The following XRCC1 variants were observed in gnomAD, a reference collection of about 807,000 sequenced individuals.
XRCC1 encodes the protein DNA repair protein XRCC1.
Under a neutral mutation model 83.3 loss-of-function variants are expected in XRCC1, and 52 were observed. The observed-to-expected ratio is 0.62, with a 90% confidence interval of 0.50 to 0.79. The LOEUF (loss-of-function observed/expected upper bound fraction) is 0.79, where lower values mean the gene tolerates loss of function less well. Among genes scored for constraint, XRCC1 ranks in the 30% least tolerant of loss-of-function variants. The probability of loss-of-function intolerance (pLI) is 0.00; values close to 1 mark genes in which losing one functional copy is unlikely to be tolerated. For synonymous variants in XRCC1, 281 were observed against 312.6 expected, an observed-to-expected ratio of 0.90 and a Z score of 1.07; for missense variants, 793 against 823.5, an observed-to-expected ratio of 0.96 and a Z score of 0.45.
rs1261427554 is a variant in XRCC1, at chr19:43,543,519, T to G, written c.1789-14A>C. 3 of 1,612,964 alleles carry G rather than the reference T, an allele frequency of 1.9e-6. No homozygotes were observed. The South Asian group carries it at 3.3e-5, about 18-fold the overall frequency. The stretch of plus-strand genomic sequence containing the variant: ...GTCCATCAGGGCCTGCAGGGTGGGG[T>G]GGAGTCCATACGGGAATGTGTCATC... On this transcript the variant is annotated splice_polypyrimidine_tract_variant and intron_variant, in intron 16 of 16. Coordinates refer to ENST00000262887, the MANE Select transcript of XRCC1 (RefSeq NM_006297.3).
rs1458298416 is a variant in XRCC1, at chr19:43,546,898, T to G, written c.1279A>C (p.Lys427Gln). 1 of 1,613,732 alleles carries G rather than the reference T, an allele frequency of 6.2e-7. No individual in the cohort carries two copies. The highest frequency in any genetic ancestry group is 8.5e-7 in the Non-Finnish European group (1 of 1,179,976). ...HSGGSGDEAP[K>Q]LPQKQPQTKT... ...GGGCATCAGACCTTCTGAGGAAGCT[T>G]GGGGGCTTCATCTCCGCTGCCACCG... Residue 427 changes from lysine (K) to glutamine (Q), a missense_variant, in exon 11 of 17, where the codon AAG becomes CAG. Transcript: ENST00000262887.
At chr19:43,558,411 G>A (rs1172945770) in intron 3 of XRCC1, among the ~76,000 whole-genome samples, 1 of 152,010 alleles carries the variant, frequency 6.6e-6, no homozygotes, top group Non-Finnish European at 1.5e-5. Flanking sequence ...CGCAGCAGGT[G>A]GATCACCTGA....
In XRCC1 at chr19:43,557,792, CAAAAAAAA is replaced by C. The variant is rs35267441; in HGVS notation, c.256-2996_256-2989del. Among the ~76,000 whole-genome samples, 319 of 41,006 alleles carry C rather than the reference CAAAAAAAA, an allele frequency of 7.8e-3. 1 individual carries two copies. The highest frequency in any genetic ancestry group is 0.024 in the African/African-American group (295 of 12,324). The allele number at this position is 41,006 out of a possible 152,430, so 26.9% of individuals were successfully genotyped here. A position where few individuals can be genotyped will look rare whatever the true frequency, so the allele number is the denominator to read the frequency against. The stretch of plus-strand genomic sequence containing the variant: ...GGGCAACAGGAGCAAAATTCCATCT[CAAAAAAAA>C]AAAAAAAAAAAAAAAAAAAGGAAGG... On this transcript the variant is annotated intron_variant, in intron 3 of 16. Transcript: ENST00000262887.
At chr19:43,561,878 G>A (rs1224487416) in intron 2 of XRCC1, among the ~76,000 whole-genome samples, 1 of 152,118 alleles carries the variant, frequency 6.6e-6, no homozygotes, top group Non-Finnish European at 1.5e-5. Flanking sequence ...AAAGGTACCT[G>A]GGCCAGGTGC....
intron 2 of XRCC1, among the ~76,000 whole-genome samples, chr19:43,567,275 A>G (rs1349893820): frequency 6.6e-6 from 1 of 152,146 alleles, no homozygotes; most frequent in Non-Finnish European, 1.5e-5. Flanking sequence ...TGCTAAAAAA[A>G]AAAAAAAAAC....
intron 3 of XRCC1, among the ~76,000 whole-genome samples, chr19:43,560,689 T>C (rs1972688727): frequency 6.6e-6 from 1 of 152,220 alleles, no homozygotes; most frequent in Non-Finnish European, 1.5e-5. Flanking sequence ...TTTGTGTCAT[T>C]TTAAGCCATG....
chr19:43,556,206 G>A (rs1972634042), intron 3 of XRCC1, among the ~76,000 whole-genome samples: 1 of 152,276 alleles, frequency 6.6e-6, no homozygotes, highest in African/African-American at 2.4e-5. Context: ...ATCTTTAAGG[G>A]TTATGCACGT....
At chr19:43,572,008 C>T (rs2146073557) in intron 2 of XRCC1, among the ~76,000 whole-genome samples, 1 of 152,308 alleles carries the variant, frequency 6.6e-6, no homozygotes, top group East Asian at 1.9e-4. Flanking sequence ...TGGATGCCAC[C>T]CCTAGAATGT....
At chr19:43,563,913 G>A (rs1053380070) in intron 2 of XRCC1, among the ~76,000 whole-genome samples, 7 of 152,182 alleles carry the variant, frequency 4.6e-5, no homozygotes, top group Non-Finnish European at 1.5e-5. Context: ...CAAGAGCAAG[G>A]ACAGTATCGT....
intron 2 of XRCC1, among the ~76,000 whole-genome samples, chr19:43,569,577 G>A (rs1972787804): frequency 6.6e-6 from 1 of 152,100 alleles, no homozygotes; most frequent in Non-Finnish European, 1.5e-5. Context: ...GAGGTCAGGA[G>A]TTCGAGACCA....
At chr19:43,570,097 C>T (rs1972793294) in intron 2 of XRCC1, among the ~76,000 whole-genome samples, 1 of 152,206 alleles carries the variant, frequency 6.6e-6, no homozygotes, top group Admixed American at 6.5e-5. Flanking sequence ...TACACCTTCA[C>T]TTCACTCTAT....
chr19:43,545,311 C>T (rs879745252), intron 14 of XRCC1, among the ~76,000 whole-genome samples: 2 of 152,200 alleles, frequency 1.3e-5, no homozygotes, highest in Admixed American at 1.3e-4. Context: ...TTCCCCATTT[C>T]CTTTTGTTCT....
Position 43,551,609 on chromosome 19 carries a change from C to T in XRCC1, c.1161G>A (p.Leu387=), listed in dbSNP as rs199613843. The change falls in exon 10 of 17, where the codon CTG becomes CTA. Residue 387 remains leucine (L), a synonymous_variant. Coordinates refer to ENST00000262887, the MANE Select transcript of XRCC1 (RefSeq NM_006297.3). ...GGRIVRKEWV[L]DCHRMRRRLP... ...GCCGCCGACGCATGCGGTGACAGTC[C>T]AGCACCCACTCCTTACGCACGATGC... The T allele has an allele frequency of 1.9e-6, 3 of 1,614,212 alleles. No individual in the cohort carries two copies. In the East Asian group the frequency reaches 6.7e-5, roughly 36 times the overall value.
At chr19:43,551,877 C>A in intron 9 of XRCC1, 140 bp downstream of exon 9, 1 of 1,120,668 alleles carries the variant, frequency 8.9e-7, no homozygotes, top group South Asian at 1.4e-5. Context: ...ACAAAGGCTA[C>A]AGAATGCAGT....
rs772239570 is a variant in XRCC1 at position 43,544,135 on chromosome 19, G to A, written c.1712+9C>T. 1 of 1,601,124 alleles carries A rather than the reference G, an allele frequency of 6.2e-7. No homozygotes were observed. Among genetic ancestry groups the A allele is most frequent in the Non-Finnish European group, 8.5e-7 (1 of 1,173,272 alleles). On this transcript the variant is annotated intron_variant, in intron 15 of 16. Transcript: ENST00000262887. Reference sequence around the variant, plus strand: ...CACCCCTTCCCCACCCCAGTCCCTGGAGACTCACCCATTGAAGGCTGTGAC... The same window carrying A: ...CACCCCTTCCCCACCCCAGTCCCTGAAGACTCACCCATTGAAGGCTGTGAC...
rs774755296 is a variant in XRCC1 at position 43,552,845 on chromosome 19, T to C, written c.775A>G (p.Ser259Gly). The change falls in exon 8 of 17, where the codon AGC (serine) becomes GGC (glycine). Residue 259 changes from serine to glycine, a missense_variant. Coordinates refer to ENST00000262887, the MANE Select transcript of XRCC1 (RefSeq NM_006297.3). ...DLNQEEKKTPSKPPAQLSPSV... is the reference protein window; with the variant it reads ...DLNQEEKKTPGKPPAQLSPSV... ...GGCGACAGCTGGGCTGGTGGTTTGC[T>C]GGGGGTCTTCTTTTCTTCTTGGTTC... 1 of 1,613,600 alleles carries C rather than the reference T, an allele frequency of 6.2e-7. No individual in the cohort carries two copies. Among genetic ancestry groups the C allele is most frequent in the Non-Finnish European group, 8.5e-7 (1 of 1,179,798 alleles).
At chr19:43,547,312 A>G (rs930927220) in intron 10 of XRCC1, among the ~76,000 whole-genome samples, 8 of 151,288 alleles carry the variant, frequency 5.3e-5, no homozygotes, top group African/African-American at 1.9e-4. Context: ...CAGCCTCCCT[A>G]GTAGCTGGGA....
intron 3 of XRCC1, 134 bp from the exon 4 acceptor site, chr19:43,554,938 G>A (rs1326973076): frequency 4.1e-6 from 4 of 965,466 alleles, no homozygotes; most frequent in African/African-American, 1.7e-5. Flanking sequence ...GGGCCTAGAT[G>A]TCTCCAGACC....
At chr19:43,559,476 T>TTA (rs1972674810) in intron 3 of XRCC1, among the ~76,000 whole-genome samples, 1 of 48,940 alleles carries the variant, frequency 2.0e-5, no homozygotes, top group Admixed American at 4.2e-4. Flanking sequence ...TGAGACTCCA[T>TTA]CTCAAAAAAA....
Sources: allele counts gnomAD v4.1 joint callset (sites outside exome capture counted in the v4.1 genomes callset), GRCh38; gene constraint gnomAD v4.1.1; transcripts MANE v1.5; gene names NCBI Gene and HGNC (gene_info 2026-07-23, HGNC 2026-07-21).